KCNAB3: variants seen among roughly 807,000 people sequenced by gnomAD.
KCNAB3 encodes the protein potassium voltage-gated channel subfamily A regulatory beta subunit 3.
KCNAB3 carries 62 observed loss-of-function variants against 67.7 expected under a neutral mutation model. That is an observed-to-expected ratio of 0.92 (90% CI 0.75 to 1.13). The LOEUF (loss-of-function observed/expected upper bound fraction) is 1.13, where lower values mean the gene tolerates loss of function less well. Ranked by LOEUF, KCNAB3 falls within the 50% of genes most tolerant of loss-of-function variation. The pLI is 0.00. For synonymous variants in KCNAB3, 212 were observed against 205.4 expected (o/e 1.03, Z -0.27); for missense variants, 514 against 522.9 (o/e 0.98, Z 0.17).
intron 9 of KCNAB3, 54 bp from the exon 10 acceptor site, chr17:7,924,319 C>T: frequency 1.9e-6 from 3 of 1,611,682 alleles, no homozygotes; most frequent in African/African-American, 1.3e-5. Context: ...CCGTTTTCTT[C>T]TCTGCCTTCT....
In KCNAB3 at chr17:7,927,791, A is replaced by G. The variant is rs766346374; in HGVS notation, c.278T>C (p.Leu93Pro). 3.7e-6 allele frequency: 6 copies of G among 1,614,070 alleles called. No homozygotes were observed. Among genetic ancestry groups the G allele is most frequent in the Non-Finnish European group, 5.1e-6 (6 of 1,180,038 alleles). The change falls in exon 2 of 14, where the codon CTT becomes CCT. Residue 93 changes from leucine (L) to proline (P), a missense_variant. Physicochemically the swap from Leu to Pro is moderately conservative, Grantham distance 98. Transcript: ENST00000303790. ...LGKSGLRVSC[L>P]GLGTWVTFGS... is the part of the protein sequence containing the mutation. ...TCCCTATTCTGACTCACCTAGGCCA[A>G]GACAGGATACCCGAAGACCAGACTT...
intron 6 of KCNAB3, 35 bp downstream of exon 6, chr17:7,925,896 G>T: frequency 6.4e-7 from 1 of 1,572,680 alleles, no homozygotes; most frequent in Non-Finnish European, 8.7e-7. Context: ...TTCTTTGTAG[G>T]CCTTCTCCAC....
intron 1 of KCNAB3, among the ~76,000 whole-genome samples, chr17:7,928,577 A>G (rs1972313145): frequency 6.6e-6 from 1 of 152,136 alleles, no homozygotes; most frequent in Admixed American, 6.5e-5. Context: ...ACTCCCAAGC[A>G]GGAGCCCCTC....
chr17:7,925,201 A>G lies in KCNAB3; in HGVS notation c.539-18T>C. On this transcript the variant is annotated intron_variant, in intron 7 of 13. Coordinates refer to ENST00000303790, the MANE Select transcript of KCNAB3 (RefSeq NM_004732.4). ...TCGCAAGCCTGGAGGTGGGGTAGGG[A>G]GAAGAAAATAAGCACCTCAGCTTCA... 6.2e-7 allele frequency: 1 copy of G among 1,605,184 alleles called. No homozygotes were observed. The highest frequency in any genetic ancestry group is 1.7e-4 in the Middle Eastern group (1 of 5,946).
At chr17:7,923,364 G>A in intron 13 of KCNAB3, 92 bp downstream of exon 13, 1 of 1,359,994 alleles carries the variant, frequency 7.4e-7, no homozygotes, top group South Asian at 1.2e-5. Context: ...TTTGTAGTGG[G>A]TGACCTGATA....
rs76676072 is a variant in KCNAB3 at position 7,928,361 on chromosome 17, G to A, written c.243-535C>T. 0.014 allele frequency: 2,391 copies of A among 171,346 alleles called. 112 individuals carry two copies. In the East Asian group the frequency reaches 0.18, roughly 13 times the overall value. 10.6% of individuals were successfully genotyped at this position (171,346 alleles called of 1,614,324 possible). On this transcript the variant is annotated intron_variant, in intron 1 of 13. Coordinates refer to ENST00000303790, the MANE Select transcript of KCNAB3 (RefSeq NM_004732.4). ...CAGATTGAGGACCTGGGGGGAGGGG[G>A]GAGAGTAAGACAGAAAAGCCTAGTT...
rs1276241334 is a variant in KCNAB3 at position 7,925,114 on chromosome 17, G to A, written c.608C>T (p.Pro203Leu). The A allele has an allele frequency of 6.2e-7, 1 of 1,613,698 alleles. No individual in the cohort carries two copies. The change falls in exon 8 of 14, where the codon CCC (proline) becomes CTC (leucine). Residue 203 changes from proline (P) to leucine (L), a missense_variant. Pro to Leu is a moderately conservative substitution (Grantham distance 98). Transcript: ENST00000303790. The part of the protein sequence containing the change: ...VDIVFANRSD[P>L]NCPMEEIVRA... ...GCTTTTACCCTCCATAGGACAGTTG[G>A]GGTCTGAGCGATTGGCAAAGACAAT... is the stretch of plus-strand genomic sequence containing the variant.
Position 7,929,425 on chromosome 17 carries a change from G to C in KCNAB3, c.11C>G (p.Ser4Cys). Reference protein sequence around the residue: MQVSIACTEQNLRS... With the variant: MQVCIACTEQNLRS... ...AAGGTTCTGCTCGGTACACGCGATAGACACCTGCATGCTGGCTGGCCGAGG... is the reference window on the plus strand; with the variant it reads ...AAGGTTCTGCTCGGTACACGCGATACACACCTGCATGCTGGCTGGCCGAGG... The change falls in exon 1 of 14, where the codon TCT becomes TGT. Residue 4 changes from serine (S) to cysteine (C), a missense_variant. Physicochemically the swap from Ser to Cys is moderately radical, Grantham distance 112. Coordinates refer to ENST00000303790, the MANE Select transcript of KCNAB3 (RefSeq NM_004732.4). This position sits in a 1 kb window ranked among gnomAD's most constrained non-coding sequence, Gnocchi z 5.7. The C allele has an allele frequency of 3.2e-6, 5 of 1,546,946 alleles. No homozygotes were observed. The highest frequency in any genetic ancestry group is 4.4e-6 in the Non-Finnish European group (5 of 1,146,048).
chr17:7,924,540 C>T (rs747801511), intron 8 of KCNAB3, 40 bp from the exon 9 acceptor site: 3 of 1,574,934 alleles, frequency 1.9e-6, no homozygotes, highest in Non-Finnish European at 2.6e-6. Flanking sequence ...TGTCAGAGCC[C>T]TGGAATCTAA....
In KCNAB3 at chr17:7,923,007, T is replaced by G. The variant is rs1167232256; in HGVS notation, c.*95A>C. The G allele has an allele frequency of 3.3e-6, 4 of 1,215,370 alleles. No individual in the cohort carries two copies. The highest frequency in any genetic ancestry group is 4.9e-6 in the Non-Finnish European group (4 of 820,996). 75.3% of individuals were successfully genotyped at this position (1,215,370 alleles called of 1,614,324 possible). A position where few individuals can be genotyped will look rare whatever the true frequency, so the allele number is the denominator to read the frequency against. ...GCGGGGCTAGTCTGGCTCCGGCCGC[T>G]GCGTGGAGGGATCCGGAGCGGGAGA... On this transcript the variant is annotated 3_prime_UTR_variant, in exon 14 of 14. Coordinates refer to ENST00000303790, the MANE Select transcript of KCNAB3 (RefSeq NM_004732.4).
chr17:7,923,022 G>C lies in KCNAB3; in HGVS notation c.*80C>G, dbSNP rs1298523744. 4.4e-6 allele frequency: 6 copies of C among 1,377,418 alleles called. No homozygotes were observed. The highest frequency in any genetic ancestry group is 6.2e-6 in the Non-Finnish European group (6 of 966,062). The allele number at this position is 1,377,418 out of a possible 1,614,324, so 85.3% of individuals were successfully genotyped here. A position where few individuals can be genotyped will look rare whatever the true frequency, so the allele number is the denominator to read the frequency against. ...CTCCGGCCGCTGCGTGGAGGGATCC[G>C]GAGCGGGAGAGGCGGCTGCGAGGAG... On this transcript the variant is annotated 3_prime_UTR_variant, in exon 14 of 14. Transcript: ENST00000303790.
intron 13 of KCNAB3, 90 bp from the exon 14 acceptor site, chr17:7,923,269 T>TGG: frequency 7.3e-7 from 1 of 1,364,742 alleles, no homozygotes; most frequent in South Asian, 1.2e-5. Context: ...AGCACCACAG[T>TGG]GGGGTCAAGT....
At position 7,923,960 on chromosome 17, in the gene KCNAB3, G is replaced by A. The variant is rs1334721244; in HGVS notation, c.927+8C>T. The stretch of plus-strand genomic sequence containing the variant: ...CCAGTCCTGCCATCGAGAGCCCCCA[G>A]ATCTCACCTTGATGGAGGCCCTGCA... On this transcript the variant is annotated splice_region_variant and intron_variant, in intron 11 of 13. Coordinates refer to ENST00000303790, the MANE Select transcript of KCNAB3 (RefSeq NM_004732.4). 1 of 1,611,588 alleles carries A rather than the reference G, an allele frequency of 6.2e-7. No homozygotes were observed. The highest frequency in any genetic ancestry group is 1.7e-5 in the Admixed American group (1 of 59,732).
Position 7,924,999 on chromosome 17 carries a change from G to C in KCNAB3, c.625+98C>G, listed in dbSNP as rs547210682. The C allele has an allele frequency of 2.3e-5, 25 of 1,087,820 alleles. No homozygotes were observed. In the African/African-American group the frequency reaches 3.6e-4, roughly 16 times the overall value. 67.4% of individuals were successfully genotyped at this position (1,087,820 alleles called of 1,614,324 possible). ...GGCCCCAAGTGATCCTCCTGCCTTG[G>C]CCTCCCAACGTCCTGGGATTACAGG... On this transcript the variant is annotated intron_variant, in intron 8 of 13. Transcript: ENST00000303790.
intron 8 of KCNAB3, chr17:7,924,886 G>C (rs1972171596): frequency 1.4e-5 from 8 of 570,974 alleles, no homozygotes; most frequent in Non-Finnish European, 2.4e-5. Context: ...GGGAGTACAA[G>C]GCACACACCA....
rs1972216328 is a variant in KCNAB3 at position 7,925,973 on chromosome 17, C to A, written c.452G>T (p.Arg151Ile). 2 of 1,610,742 alleles carry A rather than the reference C, an allele frequency of 1.2e-6. No homozygotes were observed. The highest frequency in any genetic ancestry group is 1.7e-5 in the Admixed American group (1 of 59,762). The change falls in exon 6 of 14, where the codon AGA becomes ATA. Residue 151 changes from arginine to isoleucine, a missense_variant and splice_region_variant. Arg to Ile is a moderately conservative substitution (Grantham distance 97). Transcript: ENST00000303790. Reference sequence around the variant, plus strand: ...CTTGGTAGTGATGACATAGCTTGATCTCCTGGAAGAATAGAAATGGGAGAA... The same window carrying A: ...CTTGGTAGTGATGACATAGCTTGATATCCTGGAAGAATAGAAATGGGAGAA... ...GNILKSKGWRRSSYVITTKIF... is the reference protein window; with the variant it reads ...GNILKSKGWRISSYVITTKIF...
In KCNAB3 at chr17:7,929,398, C is replaced by CGAA; in HGVS notation, c.35_37dup (p.Leu12dup). The stretch of plus-strand genomic sequence containing the variant: ...CAGACGGTCCTCACTGCTCCGGCTG[C>CGAA]GAAGGTTCTGCTCGGTACACGCGAT... On this transcript the variant is annotated inframe_insertion, in exon 1 of 14. Transcript: ENST00000303790. This position sits in a 1 kb window ranked among gnomAD's most constrained non-coding sequence, Gnocchi z 5.7. The CGAA allele has an allele frequency of 6.5e-7, 1 of 1,548,372 alleles. No homozygotes were observed. Among genetic ancestry groups the CGAA allele is most frequent in the Non-Finnish European group, 8.7e-7 (1 of 1,146,458 alleles).
Position 7,929,833 on chromosome 17 carries a change from C to A in KCNAB3, c.-398G>T, listed in dbSNP as rs1295554267. 1.3e-5 allele frequency: 13 copies of A among 1,028,632 alleles called. No individual in the cohort carries two copies. The Admixed American group carries it at 2.2e-4, about 17-fold the overall frequency. 63.7% of individuals were successfully genotyped at this position (1,028,632 alleles called of 1,614,324 possible). Reference sequence around the variant, plus strand: ...GCTGCGGGACCCGCTGGGCTCCCAGCCGCGTCGGCAGCGGGCCCAGCTCAT... The same window carrying A: ...GCTGCGGGACCCGCTGGGCTCCCAGACGCGTCGGCAGCGGGCCCAGCTCAT... On this transcript the variant is annotated 5_prime_UTR_variant, in exon 1 of 14. Transcript: ENST00000303790. The surrounding 1 kb of genome is among the most constrained non-coding windows in gnomAD (Gnocchi z 5.7).
In KCNAB3 at chr17:7,929,072, A is replaced by G; in HGVS notation, c.242+122T>C. On this transcript the variant is annotated intron_variant, in intron 1 of 13. Transcript: ENST00000303790. This position sits in a 1 kb window ranked among gnomAD's most constrained non-coding sequence, Gnocchi z 5.7. The stretch of plus-strand genomic sequence containing the variant: ...TGAGGGAGTGCCAGAGACAGAAAGA[A>G]GAGATGGAAAGAAGGGAGACCTACT... 7.1e-7 allele frequency: 1 copy of G among 1,407,986 alleles called. No homozygotes were observed. The highest frequency in any genetic ancestry group is 9.5e-7 in the Non-Finnish European group (1 of 1,049,418). 87.2% of individuals were successfully genotyped at this position (1,407,986 alleles called of 1,614,324 possible). A position where few individuals can be genotyped will look rare whatever the true frequency, so the allele number is the denominator to read the frequency against.
Sources: allele counts gnomAD v4.1 joint callset (sites outside exome capture counted in the v4.1 genomes callset), GRCh38; gene constraint gnomAD v4.1.1; non-coding constraint Gnocchi (gnomAD v3.1); transcripts MANE v1.5; gene names NCBI Gene and HGNC (gene_info 2026-07-23, HGNC 2026-07-21).